LRP5: variants seen among roughly 807,000 people sequenced by gnomAD.
LRP5 encodes LDL receptor related protein 5, also known as low-density lipoprotein receptor-related protein 5.
Under a neutral mutation model 154.1 loss-of-function variants are expected in LRP5, and 62 were observed. The ratio of observed to expected loss-of-function variants is 0.40; its 90% CI spans 0.33 to 0.50. The LOEUF (loss-of-function observed/expected upper bound fraction) is 0.50, where lower values mean the gene tolerates loss of function less well. LRP5 is among the 20% of genes least tolerant of loss of function. LRP5 has a pLI of 0.55. For missense variants in LRP5, 1,915 were observed against 2,336.7 expected (o/e 0.82, Z 3.72); for synonymous variants, 966 against 1,011.5 (o/e 0.96, Z 0.85).
chr11:68,356,226 C>T (rs532113044), intron 2 of LRP5, among the ~76,000 whole-genome samples: 1 of 150,916 alleles, frequency 6.6e-6, no homozygotes, highest in African/African-American at 2.4e-5. Flanking sequence ...ACTGCAGCCT[C>T]GACCTCCCAG....
intron 5 of LRP5, among the ~76,000 whole-genome samples, chr11:68,376,529 C>G (rs1040456565): frequency 6.6e-6 from 1 of 152,176 alleles, no homozygotes; most frequent in African/African-American, 2.4e-5. Flanking sequence ...GCCGAGAGCT[C>G]GCTGAGGTCT....
At chr11:68,442,920 A>G (rs1001529866) in intron 21 of LRP5, among the ~76,000 whole-genome samples, 10 of 151,806 alleles carry the variant, frequency 6.6e-5, no homozygotes, top group Admixed American at 6.6e-4. Context: ...CAGCCGTCAC[A>G]TTCTTGGTGG....
chr11:68,365,109 G>C (rs2098630218), intron 4 of LRP5, among the ~76,000 whole-genome samples: 1 of 152,178 alleles, frequency 6.6e-6, no homozygotes, highest in Admixed American at 6.5e-5. Flanking sequence ...CTTTTGCCCA[G>C]GAGCCCATTG....
upstream of LRP5, among the ~76,000 whole-genome samples, chr11:68,310,002 C>A (rs4988326): frequency 0.11 from 17,306 of 152,286 alleles, 1,061 homozygotes; most frequent in African/African-American, 0.15. Context: ...GGCCCTGGTA[C>A]GGGCACAGGA....
At chr11:68,298,945 G>A in the LRP5 span, among the ~76,000 whole-genome samples, 2 of 152,168 alleles carry the variant, frequency 1.3e-5, no homozygotes, top group African/African-American at 4.8e-5. Flanking sequence ...GTGAGAGCCG[G>A]CCAGTGTCTG....
At chr11:68,377,434 G>C (rs894619256) in intron 5 of LRP5, among the ~76,000 whole-genome samples, 5 of 152,196 alleles carry the variant, frequency 3.3e-5, no homozygotes, top group Non-Finnish European at 7.4e-5. Flanking sequence ...GCAGGTGACA[G>C]TGGCCGGCCT....
intron 9 of LRP5, among the ~76,000 whole-genome samples, chr11:68,408,097 A>G (rs569310497): frequency 6.6e-6 from 1 of 152,000 alleles, no homozygotes; most frequent in East Asian, 1.9e-4. Flanking sequence ...TGTTGTTGAG[A>G]TAGGGTTTCC....
intron 1 of LRP5, among the ~76,000 whole-genome samples, chr11:68,328,287 A>G (rs546149800): frequency 3.3e-5 from 5 of 152,314 alleles, no homozygotes. Context: ...CAATAAAGGG[A>G]TTTTGTAGAG....
intron 8 of LRP5, chr11:68,404,175 C>T: frequency 2.2e-6 from 1 of 447,830 alleles, no homozygotes; most frequent in South Asian, 1.8e-5. Flanking sequence ...CAGGACGCTC[C>T]CCGAGGAGGT....
intron 1 of LRP5, 46 bp downstream of exon 1, chr11:68,312,851 T>A: frequency 1.0e-6 from 1 of 965,734 alleles, no homozygotes; most frequent in Middle Eastern, 5.1e-4. Flanking sequence ...GCTCGGACAA[T>A]GGCCCGGGCG....
At chr11:68,388,485 C>G (rs1183988589) in intron 6 of LRP5, among the ~76,000 whole-genome samples, 1 of 152,048 alleles carries the variant, frequency 6.6e-6, no homozygotes, top group Non-Finnish European at 1.5e-5. Flanking sequence ...GGCAGAGGGG[C>G]TGGCCGGCTG....
chr11:68,389,974 C>T lies in LRP5; in HGVS notation c.1506C>T (p.Leu502=), dbSNP rs772589056. 9.3e-6 allele frequency: 15 copies of T among 1,614,056 alleles called. No homozygotes were observed. Among genetic ancestry groups the T allele is most frequent in the Admixed American group, 3.3e-5 (2 of 60,006 alleles). ...QERRVLVNAS[L]GWPNGLALDL... The stretch of plus-strand genomic sequence containing the variant: ...GGCGTGTGCTGGTCAATGCCTCCCT[C>T]GGGTGGCCCAACGGCCTGGCCCTGG... The change falls in exon 7 of 23, where the codon CTC becomes CTT. Residue 502 remains leucine (L), a synonymous_variant. Transcript: ENST00000294304.
intron 1 of LRP5, among the ~76,000 whole-genome samples, chr11:68,319,364 A>G (rs2098595414): frequency 1.3e-5 from 2 of 151,884 alleles, no homozygotes; most frequent in South Asian, 4.1e-4. Flanking sequence ...CACCATGCCC[A>G]GCCTGCCTGG....
chr11:68,407,423 C>T (rs1478673732), intron 9 of LRP5, among the ~76,000 whole-genome samples: 3 of 151,340 alleles, frequency 2.0e-5, no homozygotes, highest in African/African-American at 4.9e-5. Flanking sequence ...CTGCCCGCCT[C>T]GGCCTCCCAA....
At chr11:68,401,814 G>C (rs138107903) in intron 7 of LRP5, among the ~76,000 whole-genome samples, 68 of 152,178 alleles carry the variant, frequency 4.5e-4, no homozygotes, top group African/African-American at 1.5e-3. Context: ...TCAGCCTCCC[G>C]AGCAGCTGGG....
chr11:68,342,260 C>A (rs551266865), intron 1 of LRP5, among the ~76,000 whole-genome samples: 1 of 152,092 alleles, frequency 6.6e-6, no homozygotes, highest in African/African-American at 2.4e-5. Context: ...CTCTCCCTCC[C>A]GTCGGGTTCT....
At chr11:68,402,135 G>A (rs1198214722) in intron 7 of LRP5, among the ~76,000 whole-genome samples, 2 of 152,188 alleles carry the variant, frequency 1.3e-5, no homozygotes, top group Non-Finnish European at 2.9e-5. Context: ...ATGTAATCTG[G>A]TAGCAGGAGG....
At chr11:68,354,486 C>T (rs2098621447) in intron 2 of LRP5, among the ~76,000 whole-genome samples, 1 of 152,202 alleles carries the variant, frequency 6.6e-6, no homozygotes, top group Admixed American at 6.5e-5. Flanking sequence ...CAGACTGATG[C>T]CCCTGATACC....
At chr11:68,439,706 C>A in intron 20 of LRP5, 71 bp from the exon 21 acceptor site, 2 of 1,513,838 alleles carry the variant, frequency 1.3e-6, no homozygotes, top group Non-Finnish European at 1.8e-6. Context: ...CAGAGGAGAG[C>A]GCCCTATGTC....
Sources: allele counts gnomAD v4.1 joint callset (sites outside exome capture counted in the v4.1 genomes callset), GRCh38; gene constraint gnomAD v4.1.1; transcripts MANE v1.5; gene names NCBI Gene and HGNC (gene_info 2026-07-23, HGNC 2026-07-21).